PRRC2B: variants seen among roughly 807,000 people sequenced by gnomAD.
PRRC2B encodes proline rich coiled-coil 2B.
PRRC2B carries 68 observed loss-of-function variants against 242.3 expected under a neutral mutation model. That is an observed-to-expected ratio of 0.28 (90% CI 0.23 to 0.34). The LOEUF is 0.34. PRRC2B is among the 10% of genes least tolerant of loss of function. The pLI is 1.00. For synonymous variants in PRRC2B, 1,228 were observed against 1,173.6 expected (o/e 1.05, Z -0.95); for missense variants, 2,835 against 2,954.8 (o/e 0.96, Z 0.94).
At chr9:131,407,020 A>G (rs1038681680) in intron 1 of PRRC2B, among the ~76,000 whole-genome samples, 16 of 152,180 alleles carry the variant, frequency 1.1e-4, no homozygotes, top group Non-Finnish European at 1.5e-5. Context: ...TTATAGGTAG[A>G]CCTTAATATA....
At chr9:131,420,468 TCTTTCTTTCTTTCTTTCTTTC>T (rs1410488413) in intron 1 of PRRC2B, among the ~76,000 whole-genome samples, 164 of 10,350 alleles carry the variant, frequency 0.016, 5 homozygotes, top group African/African-American at 0.028. Context: ...TTTCTTTCTT[TCTTTCTTTCTTTCTTTCTTTC>T]TTTCTTTTTT....
Position 131,447,202 on chromosome 9 carries a change from G to A in PRRC2B, c.973G>A (p.Asp325Asn), listed in dbSNP as rs1275506644. The A allele has an allele frequency of 6.2e-7, 1 of 1,613,994 alleles. No individual in the cohort carries two copies. Among genetic ancestry groups the A allele is most frequent in the Admixed American group, 1.7e-5 (1 of 60,018 alleles). ...PFRQFQMNDQDGKENRLGLSR... is the reference protein window; with the variant it reads ...PFRQFQMNDQNGKENRLGLSR... ...TAGACAGTTCCAGATGAATGACCAA[G>A]ACGGGTGAGTCCATTGCATTACAGT... Residue 325 changes from aspartate (D) to asparagine (N), a missense_variant, in exon 8 of 32, where the codon GAC (aspartate) becomes AAC (asparagine). By Grantham distance (23) the Asp-to-Asn change is conservative. Coordinates refer to ENST00000683519, the MANE Select transcript of PRRC2B (RefSeq NM_013318.4).
At chr9:131,390,303 T>C (rs940175412), upstream of PRRC2B, among the ~76,000 whole-genome samples, 1 of 149,798 alleles carries the variant, frequency 6.7e-6, no homozygotes, top group African/African-American at 2.4e-5. Flanking sequence ...AGAGTGCAGG[T>C]GCCCAGTGAA....
intron 1 of PRRC2B, among the ~76,000 whole-genome samples, chr9:131,374,451 A>G (rs922875394): frequency 3.3e-5 from 5 of 152,164 alleles, no homozygotes; most frequent in African/African-American, 7.2e-5. Flanking sequence ...TTTTGCTAAC[A>G]TGTATTACAC....
intron 3 of PRRC2B, among the ~76,000 whole-genome samples, chr9:131,434,039 T>C (rs988320123): frequency 3.3e-5 from 5 of 152,178 alleles, no homozygotes; most frequent in African/African-American, 1.2e-4. Context: ...ACCTGGAGAA[T>C]TGTTTGACTT....
chr9:131,490,607 C>G (rs1355166636), intron 28 of PRRC2B: 2 of 518,888 alleles, frequency 3.9e-6, no homozygotes, highest in African/African-American at 1.9e-5. Flanking sequence ...CCATCCTGTT[C>G]CCCTGTCCTT....
At chr9:131,425,790 C>T (rs564965967) in intron 1 of PRRC2B, among the ~76,000 whole-genome samples, 54 of 151,676 alleles carry the variant, frequency 3.6e-4, no homozygotes, top group African/African-American at 1.1e-3. Context: ...GCCTGGCCCC[C>T]GAGGACTTTT....
chr9:131,488,664 A>G (rs1944096201), intron 28 of PRRC2B, among the ~76,000 whole-genome samples: 1 of 152,092 alleles, frequency 6.6e-6, no homozygotes, highest in Non-Finnish European at 1.5e-5. Flanking sequence ...GCCCTTGTGC[A>G]GTAGGGTGTG....
intron 31 of PRRC2B, among the ~76,000 whole-genome samples, chr9:131,495,226 A>C (rs1944298780): frequency 1.3e-5 from 2 of 151,356 alleles, no homozygotes; most frequent in African/African-American, 4.8e-5. Context: ...CTGACTAGGA[A>C]TGGGGCCCCA....
rs186372287 is a variant in PRRC2B, at chr9:131,381,632, G to T, written c.-56+7901G>T. 2.0e-3 allele frequency among the ~76,000 whole-genome samples: 308 copies of T among 152,142 alleles called. 1 individual carries two copies. The highest frequency in any genetic ancestry group is 7.1e-3 in the African/African-American group (294 of 41,522). ...GATGGGGTTTCACCGTGTTAGCCAG[G>T]ATGGTCTTGATCTCCTGACCTCGTG... is the stretch of plus-strand genomic sequence containing the variant. On this transcript the variant is annotated intron_variant, in intron 1 of 1. Transcript: ENST00000682525.
intron 10 of PRRC2B, 52 bp downstream of exon 10, chr9:131,455,218 G>T (rs370563372): frequency 4.5e-5 from 57 of 1,274,628 alleles, no homozygotes; most frequent in Non-Finnish European, 6.1e-5. Context: ...GCTTAGTGTT[G>T]TTGTGTACCC....
chr9:131,479,848 C>A (rs1943807752), intron 19 of PRRC2B, among the ~76,000 whole-genome samples: 1 of 152,186 alleles, frequency 6.6e-6, no homozygotes, highest in African/African-American at 2.4e-5. Flanking sequence ...CCTGAATGCT[C>A]TTCTGGAAAG....
chr9:131,489,791 A>G (rs1333641301), intron 28 of PRRC2B, among the ~76,000 whole-genome samples: 2 of 152,132 alleles, frequency 1.3e-5, no homozygotes, highest in Non-Finnish European at 2.9e-5. Flanking sequence ...TTCATGCATC[A>G]GATATCCCTT....
rs763910198 is a variant in PRRC2B, at chr9:131,465,038, G to C, written c.1680G>C (p.Glu560Asp). Residue 560 changes from glutamate (E) to aspartate (D), a missense_variant, in exon 12 of 32, where the codon GAG becomes GAC. Glu to Asp is a conservative substitution (Grantham distance 45). Transcript: ENST00000683519. ...AAGTGCCCTGGTCTCCAAGTGCTGA[G>C]AAGGCATCTCCCCAGGAAAACGGCC... ...EKEVPWSPSA[E>D]KASPQENGPA... 1.2e-6 allele frequency: 2 copies of C among 1,613,992 alleles called. No homozygotes were observed. Among genetic ancestry groups the C allele is most frequent in the South Asian group, 1.1e-5 (1 of 91,084 alleles).
chr9:131,388,763 C>T (rs549141742), intron 1 of PRRC2B, among the ~76,000 whole-genome samples: 4 of 149,506 alleles, frequency 2.7e-5, no homozygotes, highest in Admixed American at 7.0e-5. Context: ...AGGATGGTCT[C>T]GATCTCTTGA....
At chr9:131,488,723 C>T (rs191891213) in intron 28 of PRRC2B, among the ~76,000 whole-genome samples, 2 of 152,262 alleles carry the variant, frequency 1.3e-5, no homozygotes, top group East Asian at 1.9e-4. Context: ...TTCTAGACTC[C>T]TCTTCTTCCT....
chr9:131,425,501 T>A (rs1837953572), intron 1 of PRRC2B, among the ~76,000 whole-genome samples: 2 of 151,884 alleles, frequency 1.3e-5, no homozygotes, highest in Non-Finnish European at 2.9e-5. Context: ...GTTGTTGTTG[T>A]TTTTTGAGAT....
In PRRC2B at chr9:131,495,729, T is replaced by C; in HGVS notation, c.6556-11T>C. On this transcript the variant is annotated splice_polypyrimidine_tract_variant and intron_variant, in intron 31 of 31. Coordinates refer to ENST00000683519, the MANE Select transcript of PRRC2B (RefSeq NM_013318.4). ...AGGGTCACTTTGTTTTTCCCATTCATCTGTCCAAAGGCAAAACAACGAGTG... is the reference window on the plus strand; with the variant it reads ...AGGGTCACTTTGTTTTTCCCATTCACCTGTCCAAAGGCAAAACAACGAGTG... 6.3e-7 allele frequency: 1 copy of C among 1,595,614 alleles called. No individual in the cohort carries two copies. Among genetic ancestry groups the C allele is most frequent in the Non-Finnish European group, 8.6e-7 (1 of 1,164,518 alleles).
Position 131,436,736 on chromosome 9 carries a change from C to T in PRRC2B, c.396+14C>T, listed in dbSNP as rs1315521432. 1.9e-6 allele frequency: 3 copies of T among 1,600,210 alleles called. No homozygotes were observed. The East Asian group carries it at 6.7e-5, about 36-fold the overall frequency. On this transcript the variant is annotated intron_variant, in intron 4 of 31. Coordinates refer to ENST00000683519, the MANE Select transcript of PRRC2B (RefSeq NM_013318.4). ...ATCAGTCAGGAGGTAGGTGCTGGGA[C>T]CCCATCCCAACTGTTTCCTGGGCAT...
Sources: gnomAD v4.1 joint callset for allele counts (sites outside exome capture counted in the v4.1 genomes callset) on GRCh38, gnomAD v4.1.1 for gene constraint, MANE v1.5 for transcripts, NCBI Gene and HGNC (gene_info 2026-07-23, HGNC 2026-07-21) for gene names.